FUT8: variants seen among roughly 807,000 people sequenced by gnomAD.
The protein encoded by FUT8 is alpha-(1,6)-fucosyltransferase.
Under a neutral mutation model 71.3 loss-of-function variants are expected in FUT8, and 29 were observed. The ratio of observed to expected loss-of-function variants is 0.41; its 90% CI spans 0.30 to 0.55. The LOEUF is 0.55. Ranked by LOEUF, FUT8 falls within the 20% of genes least tolerant of loss-of-function variation. FUT8 has a pLI of 0.34. For synonymous variants in FUT8, 254 were observed against 239.3 expected (o/e 1.06, Z -0.57); for missense variants, 544 against 702.1 (o/e 0.77, Z 2.55).
chr14:65,661,152 A>G (rs769050586), intron 6 of FUT8, among the ~76,000 whole-genome samples: 2 of 152,156 alleles, frequency 1.3e-5, no homozygotes, highest in East Asian at 1.9e-4. Flanking sequence ...GGAATTTCTT[A>G]GGGAGGAGCT....
chr14:65,685,379 A>G (rs1238420909), intron 7 of FUT8, among the ~76,000 whole-genome samples: 12 of 152,218 alleles, frequency 7.9e-5, no homozygotes, highest in Non-Finnish European at 1.0e-4. Flanking sequence ...AATTGTAGAT[A>G]GTTTGAAATG....
intron 6 of FUT8, among the ~76,000 whole-genome samples, chr14:65,634,624 C>G (rs1890443851): frequency 6.7e-6 from 1 of 148,820 alleles, no homozygotes; most frequent in South Asian, 2.1e-4. Context: ...TGTTGAAGAT[C>G]AGTTGGCTGT....
chr14:65,366,898 A>G, the FUT8 span, among the ~76,000 whole-genome samples: 1 of 152,194 alleles, frequency 6.6e-6, no homozygotes, highest in Non-Finnish European at 1.5e-5. Context: ...TCCTTCTGTA[A>G]GAAGGGAGGG....
chr14:65,536,543 T>C (rs907921290), intron 2 of FUT8, among the ~76,000 whole-genome samples: 4 of 152,222 alleles, frequency 2.6e-5, no homozygotes, highest in African/African-American at 9.6e-5. Context: ...AAGTTCTTGG[T>C]TGGAATATCA....
chr14:65,681,597 C>T (rs1477640450), intron 7 of FUT8, among the ~76,000 whole-genome samples: 1 of 152,084 alleles, frequency 6.6e-6, no homozygotes, highest in Admixed American at 6.6e-5. Context: ...GCATTTAAAA[C>T]TATAGAAAAT....
chr14:65,688,652 A>G (rs941973863), intron 7 of FUT8, among the ~76,000 whole-genome samples: 3 of 152,062 alleles, frequency 2.0e-5, no homozygotes, highest in Admixed American at 1.3e-4. Context: ...GGCAATTTTG[A>G]ATAAATCTAA....
At chr14:65,500,221 G>A (rs1004484974) in intron 2 of FUT8, among the ~76,000 whole-genome samples, 1 of 152,078 alleles carries the variant, frequency 6.6e-6, no homozygotes, top group Non-Finnish European at 1.5e-5. Flanking sequence ...TCCATTAAGT[G>A]GTTCTCATTC....
chr14:65,395,392 C>T, the FUT8 span, among the ~76,000 whole-genome samples: 2 of 152,234 alleles, frequency 1.3e-5, no homozygotes, highest in African/African-American at 2.4e-5. Context: ...GTGGGCCCCT[C>T]CCCTGCAGCA....
chr14:65,694,429 G>A (rs543252844), intron 7 of FUT8, among the ~76,000 whole-genome samples: 61 of 152,044 alleles, frequency 4.0e-4, no homozygotes, highest in Non-Finnish European at 8.2e-4. Context: ...ATAACACAAA[G>A]TGCTTCAGCT....
the FUT8 span, among the ~76,000 whole-genome samples, chr14:65,399,268 G>C: frequency 2.1e-4 from 32 of 152,222 alleles, no homozygotes; most frequent in African/African-American, 7.0e-4. Context: ...AGTGAGCCGC[G>C]ATCGCGCCAC....
intron 7 of FUT8, among the ~76,000 whole-genome samples, chr14:65,706,020 C>T (rs575045682): frequency 6.6e-6 from 1 of 152,234 alleles, no homozygotes; most frequent in South Asian, 2.1e-4. Context: ...GAATCGTCCC[C>T]AAAATAAAGA....
chr14:65,414,502 A>C (rs888480696), intron 1 of FUT8, among the ~76,000 whole-genome samples: 11 of 152,240 alleles, frequency 7.2e-5, no homozygotes, highest in African/African-American at 2.4e-4. Context: ...CCCTATGCCA[A>C]ATAATAAGGC....
At chr14:65,707,385 T>G (rs981925979) in intron 7 of FUT8, among the ~76,000 whole-genome samples, 13 of 152,192 alleles carry the variant, frequency 8.5e-5, no homozygotes, top group Non-Finnish European at 7.4e-5. Flanking sequence ...GAGTTGCTTA[T>G]TATTATAGAT....
chr14:65,693,138 T>G (rs1461965753), intron 7 of FUT8, among the ~76,000 whole-genome samples: 1 of 152,112 alleles, frequency 6.6e-6, no homozygotes. Context: ...CTCGGCACTT[T>G]GGGAGGCCAA....
chr14:65,576,696 C>CTTTTTTTTTTTTTTTTTTTT lies in FUT8; in HGVS notation c.203+14952_203+14971dup, dbSNP rs376473739. ...GGTGTGTGCCATGATGCCCAGCTTG[C>CTTTTTTTTTTTTTTTTTTTT]TTTTTTTTTTTTTTTTTTTTTTTTT... On this transcript the variant is annotated intron_variant, in intron 3 of 10. Transcript: ENST00000673929. Among the ~76,000 whole-genome samples the CTTTTTTTTTTTTTTTTTTTT allele has an allele frequency of 1.2e-4, 12 of 96,216 alleles. 1 individual carries two copies. Among genetic ancestry groups the CTTTTTTTTTTTTTTTTTTTT allele is most frequent in the African/African-American group, 2.5e-4 (4 of 15,908 alleles). 63.1% of individuals were successfully genotyped at this position (96,216 alleles called of 152,430 possible).
At chr14:65,440,760 A>G (rs72714436) in intron 1 of FUT8, among the ~76,000 whole-genome samples, 20,333 of 152,068 alleles carry the variant, frequency 0.13, 1,808 homozygotes, top group Middle Eastern at 0.2. Flanking sequence ...TAGTTGGTAT[A>G]ATTGGTAAGT....
At position 65,743,433 on chromosome 14, in the gene FUT8, G is replaced by T. The variant is rs1896598775; in HGVS notation, c.*1023G>T. On this transcript the variant is annotated 3_prime_UTR_variant, in exon 11 of 11. Coordinates refer to ENST00000673929, the MANE Select transcript of FUT8 (RefSeq NM_001371533.1). ...TTGAGTGAAATAATCATAACTCCTT[G>T]CTCCCAGAGAAGCTATCACCTCCAT... The T allele has an allele frequency of 6.6e-6, 1 of 151,790 alleles. No individual in the cohort carries two copies. Among genetic ancestry groups the T allele is most frequent in the African/African-American group, 2.4e-5 (1 of 41,368 alleles). 9.4% of individuals were successfully genotyped at this position (151,790 alleles called of 1,614,324 possible).
chr14:65,468,132 A>T (rs2066074225), intron 2 of FUT8: 2 of 637,870 alleles, frequency 3.1e-6, no homozygotes, highest in South Asian at 3.1e-5. Context: ...CAGTGCCAAC[A>T]GCATGTTGGG....
intron 7 of FUT8, among the ~76,000 whole-genome samples, chr14:65,677,042 C>G (rs1263726008): frequency 6.6e-6 from 1 of 150,798 alleles, no homozygotes; most frequent in Non-Finnish European, 1.5e-5. Flanking sequence ...TTTTTCCCTC[C>G]AAAAGGTTGT....
Sources: allele counts gnomAD v4.1 joint callset (sites outside exome capture counted in the v4.1 genomes callset), GRCh38; gene constraint gnomAD v4.1.1; transcripts MANE v1.5; gene names NCBI Gene and HGNC (gene_info 2026-07-23, HGNC 2026-07-21).